CLTCL1: variants seen among roughly 807,000 people sequenced by gnomAD.
CLTCL1 encodes clathrin heavy chain like 1.
CLTCL1 carries 159 observed loss-of-function variants against 190.0 expected under a neutral mutation model. The ratio of observed to expected loss-of-function variants is 0.84; its 90% CI spans 0.74 to 0.95. The LOEUF is 0.95. Ranked by LOEUF, CLTCL1 falls within the 40% of genes least tolerant of loss-of-function variation. The probability of loss-of-function intolerance (pLI) is 0.00; values close to 1 mark genes in which losing one functional copy is unlikely to be tolerated. For synonymous variants in CLTCL1, 752 were observed against 769.6 expected (o/e 0.98, Z 0.38); for missense variants, 1,878 against 2,033.4 (o/e 0.92, Z 1.47).
chr22:19,274,614 C>T (rs936887832), intron 2 of CLTCL1, among the ~76,000 whole-genome samples: 5 of 152,064 alleles, frequency 3.3e-5, no homozygotes, highest in Admixed American at 3.3e-4. Context: ...TGTCCTTCTA[C>T]CTACTGAAAT....
At chr22:19,258,008 G>T in intron 2 of CLTCL1, 1 of 548,534 alleles carries the variant, frequency 1.8e-6, no homozygotes, top group South Asian at 1.4e-5. Flanking sequence ...TGCTGCTGCT[G>T]ACTTTAGAGT....
At chr22:19,271,971 T>C (rs1555980905) in intron 2 of CLTCL1, among the ~76,000 whole-genome samples, 3 of 152,156 alleles carry the variant, frequency 2.0e-5, no homozygotes, top group Non-Finnish European at 4.4e-5. Flanking sequence ...TAGCTGGGCA[T>C]GGTGGCATGT....
chr22:19,287,441 C>T (rs947779588), intron 1 of CLTCL1, among the ~76,000 whole-genome samples: 4 of 152,084 alleles, frequency 2.6e-5, no homozygotes, highest in Admixed American at 2.0e-4. Flanking sequence ...ACAAAGGGAG[C>T]GGCAGCAGAG....
rs369672659 is a variant in CLTCL1 at position 19,196,553 on chromosome 22, T to A, written c.3977A>T (p.Lys1326Ile). The A allele has an allele frequency of 8.7e-6, 14 of 1,613,982 alleles. No individual in the cohort carries two copies. The highest frequency in any genetic ancestry group is 1.6e-4 in the Middle Eastern group (1 of 6,062). The change falls in exon 25 of 33, where the codon AAA becomes ATA. Residue 1326 changes from lysine to isoleucine, a missense_variant. By Grantham distance (102) the Lys-to-Ile change is moderately radical. Transcript: ENST00000427926. The part of the protein sequence containing the change: ...MFTELAILYS[K>I]FKPQKMLEHL... ...CTCCAGCATCTTCTGTGGCTTGAAT[T>A]TGGAGTAGAGGATGGCCAGCTCAGT...
chr22:19,290,036 T>TG (rs2088051780), intron 1 of CLTCL1, among the ~76,000 whole-genome samples: 1 of 152,158 alleles, frequency 6.6e-6, no homozygotes, highest in African/African-American at 2.4e-5. Context: ...AAACCAGACT[T>TG]GCATTCACGT....
In CLTCL1 at chr22:19,221,947, T is replaced by C. The variant is rs1555952733; in HGVS notation, c.2561+4A>G. 1 of 1,613,740 alleles carries C rather than the reference T, an allele frequency of 6.2e-7. No homozygotes were observed. The highest frequency in any genetic ancestry group is 8.5e-7 in the Non-Finnish European group (1 of 1,179,784). ...AGAGAAAACACCAAGTAAGGACACC[T>C]TACCTATTTCTTTTTTCTACTTCAG... On this transcript the variant is annotated splice_donor_region_variant and intron_variant, in intron 16 of 32. Coordinates refer to ENST00000427926, the MANE Select transcript of CLTCL1 (RefSeq NM_007098.4).
At chr22:19,185,235 G>A (rs551942518) in intron 29 of CLTCL1, among the ~76,000 whole-genome samples, 6 of 152,244 alleles carry the variant, frequency 3.9e-5, no homozygotes, top group South Asian at 2.1e-4. Flanking sequence ...ACAGCACCAC[G>A]CCCTAAGCTG....
intron 22 of CLTCL1, among the ~76,000 whole-genome samples, chr22:19,203,407 A>G (rs2084956467): frequency 6.6e-6 from 1 of 152,186 alleles, no homozygotes; most frequent in African/African-American, 2.4e-5. Context: ...ATCAGAGCAC[A>G]GTTCTCAGGG....
intron 14 of CLTCL1, among the ~76,000 whole-genome samples, chr22:19,223,501 A>C (rs1012790325): frequency 6.6e-6 from 1 of 152,100 alleles, no homozygotes; most frequent in Non-Finnish European, 1.5e-5. Context: ...AGTGGGAAGG[A>C]AAGTCACCCC....
intron 13 of CLTCL1, 86 bp downstream of exon 13, chr22:19,225,367 C>T (rs1336861382): frequency 3.6e-6 from 5 of 1,390,022 alleles, no homozygotes; most frequent in East Asian, 5.1e-5. Flanking sequence ...GCAGGAAGGC[C>T]GTCTTAAGGC....
chr22:19,241,612 A>G (rs1269787562), intron 4 of CLTCL1, among the ~76,000 whole-genome samples: 1 of 152,218 alleles, frequency 6.6e-6, no homozygotes, highest in Non-Finnish European at 1.5e-5. Context: ...ACCCAAAATT[A>G]TGGTTTGAGA....
intron 17 of CLTCL1, among the ~76,000 whole-genome samples, chr22:19,221,069 G>T (rs2085552564): frequency 6.6e-6 from 1 of 152,152 alleles, no homozygotes; most frequent in African/African-American, 2.4e-5. Context: ...TGGGAAAGGT[G>T]GCAGTCCACA....
rs533416486 is a variant in CLTCL1, at chr22:19,234,536, G to A, written c.1140C>T (p.Ala380=). 2.6e-4 allele frequency: 426 copies of A among 1,613,552 alleles called. No individual in the cohort carries two copies. Among genetic ancestry groups the A allele is most frequent in the Middle Eastern group, 6.6e-4 (4 of 6,052 alleles). Residue 380 remains alanine, a synonymous_variant, in exon 7 of 33, where the codon GCC becomes GCT. Transcript: ENST00000427926. ...TLFAQGSYAE[A]AKVAASAPKG... is the part of the protein sequence containing the mutation. ...TTGGTGCAGACGCTGCAACTTTGGC[G>A]GCTTCAGCATAGCTGCCCTGTGCAA...
rs1448522277 is a variant in CLTCL1 at position 19,179,700 on chromosome 22, T to G, written c.*290A>C. 3 of 166,856 alleles carry G rather than the reference T, an allele frequency of 1.8e-5. No homozygotes were observed. The highest frequency in any genetic ancestry group is 7.2e-5 in the African/African-American group (3 of 41,690). 10.3% of individuals were successfully genotyped at this position (166,856 alleles called of 1,614,324 possible). ...AAGCTGGTCTTGCGCCGTCAGCCTC[T>G]ACCCTGGCCTCCCCAGGCTCTGGGA... On this transcript the variant is annotated 3_prime_UTR_variant, in exon 33 of 33. Transcript: ENST00000427926.
intron 19 of CLTCL1, among the ~76,000 whole-genome samples, chr22:19,215,869 C>A (rs901108628): frequency 1.3e-5 from 2 of 152,156 alleles, no homozygotes; most frequent in Non-Finnish European, 2.9e-5. Flanking sequence ...TGGGCCAGAG[C>A]AGTAAGAGGA....
At chr22:19,251,768 C>T (rs1346875089) in intron 3 of CLTCL1, among the ~76,000 whole-genome samples, 1 of 152,166 alleles carries the variant, frequency 6.6e-6, no homozygotes, top group Non-Finnish European at 1.5e-5. Flanking sequence ...AATCTAGATG[C>T]CTTTTATGTT....
intron 7 of CLTCL1, among the ~76,000 whole-genome samples, 162 bp downstream of exon 7, chr22:19,234,347 C>A (rs1451919352): frequency 6.6e-6 from 1 of 152,152 alleles, no homozygotes; most frequent in East Asian, 1.9e-4. Flanking sequence ...TTGTTTACTT[C>A]CTTTACTGTT....
At chr22:19,234,791 T>C in intron 6 of CLTCL1, 85 bp from the exon 7 acceptor site, 1 of 1,196,042 alleles carries the variant, frequency 8.4e-7, no homozygotes, top group Non-Finnish European at 1.2e-6. Context: ...GATGCTGGAG[T>C]GGTAGCCACA....
chr22:19,212,585 GA>G (rs1569177514), intron 19 of CLTCL1, among the ~76,000 whole-genome samples: 3 of 113,058 alleles, frequency 2.7e-5, no homozygotes, highest in African/African-American at 9.8e-5. Flanking sequence ...AAGAAAGAAA[GA>G]GAAAGAAAGA....
Sources: allele counts gnomAD v4.1 joint callset (sites outside exome capture counted in the v4.1 genomes callset), GRCh38; gene constraint gnomAD v4.1.1; transcripts MANE v1.5; gene names NCBI Gene and HGNC (gene_info 2026-07-23, HGNC 2026-07-21).